Variants in CALCRL observed in about 807,000 individuals in gnomAD.
CALCRL encodes the protein calcitonin receptor like receptor.
In CALCRL, 27 loss-of-function variants were observed where a neutral mutation model predicts 60.4. That is an observed-to-expected ratio of 0.45 (90% CI 0.33 to 0.62). The LOEUF is 0.62. Ranked by LOEUF, CALCRL falls within the 20% of genes least tolerant of loss-of-function variation. CALCRL has a pLI of 0.03. For missense variants in CALCRL, 424 were observed against 540.7 expected, an observed-to-expected ratio of 0.78 and a Z score of 2.14; for synonymous variants, 190 against 182.6, an observed-to-expected ratio of 1.04 and a Z score of -0.33.
chr2:187,358,523 C>CCA (rs1362593999), intron 12 of CALCRL, among the ~76,000 whole-genome samples: 2 of 149,244 alleles, frequency 1.3e-5, no homozygotes, highest in African/African-American at 4.9e-5. Context: ...CACCTCCCAC[C>CCA]CCCCCCTGCT....
chr2:187,388,128 TAA>T (rs1421539732), intron 1 of CALCRL, among the ~76,000 whole-genome samples: 3 of 151,976 alleles, frequency 2.0e-5, no homozygotes, highest in Admixed American at 6.6e-5. Flanking sequence ...TAGGCATTTA[TAA>T]GTTAGATAAA....
chr2:187,439,882 T>C (rs1406149408), intron 1 of CALCRL, among the ~76,000 whole-genome samples: 1 of 152,082 alleles, frequency 6.6e-6, no homozygotes, highest in Non-Finnish European at 1.5e-5. Context: ...ACTTGATAAA[T>C]GGAAGAAGAG....
chr2:187,437,721 A>G (rs1278761884), intron 1 of CALCRL, among the ~76,000 whole-genome samples: 2 of 152,196 alleles, frequency 1.3e-5, no homozygotes, highest in African/African-American at 2.4e-5. Flanking sequence ...GACTGTATCA[A>G]ATAAAGTCAG....
chr2:187,356,545 T>C (rs1309316474), intron 12 of CALCRL, among the ~76,000 whole-genome samples: 3 of 152,012 alleles, frequency 2.0e-5, no homozygotes, highest in Non-Finnish European at 4.4e-5. Flanking sequence ...CCTAAAACCA[T>C]AAAAACCCTA....
chr2:187,408,361 A>T (rs925510627), intron 1 of CALCRL, among the ~76,000 whole-genome samples: 1 of 152,068 alleles, frequency 6.6e-6, no homozygotes, highest in African/African-American at 2.4e-5. Flanking sequence ...ATAAATGAAT[A>T]GGGCAACATT....
intron 9 of CALCRL, 24 bp downstream of exon 9, chr2:187,363,352 A>G (rs1687141843): frequency 6.3e-7 from 1 of 1,598,610 alleles, no homozygotes; most frequent in Non-Finnish European, 8.5e-7. Flanking sequence ...CCTTGAACCA[A>G]GGGCACAATC....
At position 187,346,229 on chromosome 2, in the gene CALCRL, A is replaced by G; in HGVS notation, c.1341T>C (p.His447=). The change falls in exon 15 of 15, where the codon CAT becomes CAC. Residue 447 remains histidine, a synonymous_variant. Coordinates refer to ENST00000392370, the MANE Select transcript of CALCRL (RefSeq NM_005795.6). ...GTTTTAAGAGAACATTTTCAATATC[A>G]TGGATGCTTTTTCCATTTAAGTGTT... ...PSEHLNGKSI[H]DIENVLLKPE... 6.2e-7 allele frequency: 1 copy of G among 1,611,510 alleles called. No individual in the cohort carries two copies. Among genetic ancestry groups the G allele is most frequent in the Non-Finnish European group, 8.5e-7 (1 of 1,178,424 alleles).
chr2:187,439,892 G>A (rs1473700388), intron 1 of CALCRL, among the ~76,000 whole-genome samples: 2 of 152,056 alleles, frequency 1.3e-5, no homozygotes, highest in Non-Finnish European at 2.9e-5. Flanking sequence ...TGGAAGAAGA[G>A]ACATTTAAAG....
intron 8 of CALCRL, among the ~76,000 whole-genome samples, chr2:187,377,747 T>C (rs1687818263): frequency 6.6e-6 from 1 of 152,144 alleles, no homozygotes; most frequent in Non-Finnish European, 1.5e-5. Flanking sequence ...ACAACTTTTG[T>C]ACACCTACTA....
chr2:187,425,311 G>A (rs1010890362), intron 1 of CALCRL, among the ~76,000 whole-genome samples: 7 of 151,866 alleles, frequency 4.6e-5, no homozygotes, highest in Non-Finnish European at 1.0e-4. Flanking sequence ...TTTGCTAATA[G>A]TCATGTCACA....
chr2:187,447,065 G>A (rs1574339068), intron 1 of CALCRL, among the ~76,000 whole-genome samples: 1 of 151,942 alleles, frequency 6.6e-6, no homozygotes, highest in South Asian at 2.1e-4. Flanking sequence ...AATTTATTAA[G>A]CAGACATTAG....
At chr2:187,414,268 G>A (rs144653570) in intron 1 of CALCRL, among the ~76,000 whole-genome samples, 1 of 152,136 alleles carries the variant, frequency 6.6e-6, no homozygotes, top group East Asian at 1.9e-4. Context: ...TATGGGAAAG[G>A]CATGTAATTA....
At chr2:187,432,975 A>C (rs1690465320) in intron 1 of CALCRL, among the ~76,000 whole-genome samples, 1 of 152,088 alleles carries the variant, frequency 6.6e-6, no homozygotes, top group Admixed American at 6.6e-5. Flanking sequence ...GTAGTAGGCT[A>C]TCCTATCTAG....
intron 12 of CALCRL, among the ~76,000 whole-genome samples, chr2:187,355,513 G>A (rs566384657): frequency 5.3e-5 from 8 of 152,032 alleles, no homozygotes; most frequent in Non-Finnish European, 7.4e-5. Flanking sequence ...GTGATCCAAC[G>A]CAACCATATA....
intron 8 of CALCRL, among the ~76,000 whole-genome samples, chr2:187,375,724 A>G (rs934700472): frequency 1.3e-5 from 2 of 152,198 alleles, no homozygotes; most frequent in Non-Finnish European, 2.9e-5. Context: ...ATGTGCCTAC[A>G]GGTTACATCT....
chr2:187,392,596 G>T (rs1434330415), intron 1 of CALCRL, among the ~76,000 whole-genome samples: 1 of 152,146 alleles, frequency 6.6e-6, no homozygotes, highest in Admixed American at 6.6e-5. Flanking sequence ...CAAAGTTCAA[G>T]AGCCTGGTTA....
chr2:187,378,292 C>A (rs934727952), intron 8 of CALCRL, among the ~76,000 whole-genome samples: 1 of 152,062 alleles, frequency 6.6e-6, no homozygotes, highest in Non-Finnish European at 1.5e-5. Flanking sequence ...TGCTGATGAT[C>A]AAAGTTATGA....
At chr2:187,365,829 T>C (rs1383267385) in intron 8 of CALCRL, among the ~76,000 whole-genome samples, 3 of 152,098 alleles carry the variant, frequency 2.0e-5, no homozygotes, top group African/African-American at 7.2e-5. Context: ...TCTCACTCAC[T>C]TGTGGAAGCT....
chr2:187,346,886 A>G (rs1411824704), intron 14 of CALCRL, among the ~76,000 whole-genome samples: 1 of 151,790 alleles, frequency 6.6e-6, no homozygotes, highest in East Asian at 1.9e-4. Context: ...TTTGTTTCTG[A>G]GTGACTCCCA....
Sources: gnomAD v4.1 joint callset for allele counts (sites outside exome capture counted in the v4.1 genomes callset) on GRCh38, gnomAD v4.1.1 for gene constraint, MANE v1.5 for transcripts, NCBI Gene and HGNC (gene_info 2026-07-23, HGNC 2026-07-21) for gene names.